Variants in NPAS3 observed in about 807,000 individuals in gnomAD.
The protein encoded by NPAS3 is neuronal PAS domain protein 3.
In NPAS3, 14 loss-of-function variants were observed where a neutral mutation model predicts 73.1. The observed-to-expected ratio is 0.19, with a 90% CI of 0.13 to 0.30. The LOEUF is 0.30. NPAS3 is among the 10% of genes least tolerant of loss of function. NPAS3 has a pLI of 1.00. For synonymous variants in NPAS3, 620 were observed against 541.5 expected (o/e 1.14, Z -2.01); for missense variants, 1,096 against 1,250.0 (o/e 0.88, Z 1.86).
intron 6 of NPAS3, among the ~76,000 whole-genome samples, chr14:33,728,334 GA>G (rs1434925978): frequency 6.6e-6 from 1 of 152,176 alleles, no homozygotes. Flanking sequence ...TACTGTTAAA[GA>G]AGGTTATTAC....
At chr14:33,170,957 C>G (rs1201034972) in intron 2 of NPAS3, among the ~76,000 whole-genome samples, 1 of 152,202 alleles carries the variant, frequency 6.6e-6, no homozygotes, top group East Asian at 1.9e-4. Flanking sequence ...AATGGTGAAT[C>G]CTTTCCAGAA....
intron 3 of NPAS3, among the ~76,000 whole-genome samples, chr14:33,303,899 CTTTGTT>C (rs200495898): frequency 6.6e-6 from 1 of 151,860 alleles, no homozygotes; most frequent in Non-Finnish European, 1.5e-5. Flanking sequence ...CACTACCAAG[CTTTGTT>C]TTTGTTTTTG....
intron 3 of NPAS3, among the ~76,000 whole-genome samples, chr14:33,228,399 G>A (rs1218394640): frequency 6.6e-6 from 1 of 152,088 alleles, no homozygotes; most frequent in East Asian, 1.9e-4. Context: ...ATTTCATTGA[G>A]TTGATAGGAA....
chr14:33,435,433 T>C (rs4982087), intron 4 of NPAS3, among the ~76,000 whole-genome samples: 40,881 of 152,056 alleles, frequency 0.27, 6,150 homozygotes, highest in African/African-American at 0.4. Flanking sequence ...AAACCCAAGT[T>C]AAGAGTTCAT....
intron 1 of NPAS3, among the ~76,000 whole-genome samples, chr14:32,999,253 T>G (rs1402512789): frequency 6.6e-6 from 1 of 152,188 alleles, no homozygotes; most frequent in Non-Finnish European, 1.5e-5. Flanking sequence ...GGCTCATGCC[T>G]GTAATCCCAG....
chr14:33,765,758 T>C (rs2062442680), intron 7 of NPAS3, among the ~76,000 whole-genome samples: 1 of 152,178 alleles, frequency 6.6e-6, no homozygotes, highest in African/African-American at 2.4e-5. Flanking sequence ...TTAAGATCTC[T>C]CAATTCATTC....
chr14:33,144,021 T>C (rs1360040265), intron 2 of NPAS3, among the ~76,000 whole-genome samples: 2 of 152,214 alleles, frequency 1.3e-5, no homozygotes, highest in African/African-American at 4.8e-5. Flanking sequence ...CAGTAAACAT[T>C]TGGGCACATG....
At chr14:33,415,881 A>G (rs918052379) in intron 4 of NPAS3, among the ~76,000 whole-genome samples, 1 of 151,828 alleles carries the variant, frequency 6.6e-6, no homozygotes, top group African/African-American at 2.4e-5. Flanking sequence ...TCTCCTTCCA[A>G]TTTTTTTATT....
intron 1 of NPAS3, among the ~76,000 whole-genome samples, chr14:33,025,673 G>T (rs112150038): frequency 6.6e-6 from 1 of 152,090 alleles, no homozygotes; most frequent in African/African-American, 2.4e-5. Flanking sequence ...CTGTTCTCAC[G>T]ATCCCGAGTA....
At chr14:33,698,657 G>A (rs551312505) in intron 6 of NPAS3, among the ~76,000 whole-genome samples, 4 of 152,230 alleles carry the variant, frequency 2.6e-5, no homozygotes, top group African/African-American at 7.2e-5. Context: ...AGCTTTAAAA[G>A]CCCCTGACAT....
chr14:33,098,154 A>G (rs982431102), intron 2 of NPAS3, among the ~76,000 whole-genome samples: 1 of 152,214 alleles, frequency 6.6e-6, no homozygotes, highest in African/African-American at 2.4e-5. Flanking sequence ...AATTTTGTGT[A>G]TGGCATGAGG....
intron 4 of NPAS3, among the ~76,000 whole-genome samples, chr14:33,387,666 G>A (rs139751126): frequency 1.2e-4 from 18 of 152,196 alleles, no homozygotes; most frequent in South Asian, 2.1e-4. Flanking sequence ...CAATGCCAGG[G>A]TAAGGCCTTC....
At chr14:33,031,894 T>C (rs1352027557) in intron 1 of NPAS3, among the ~76,000 whole-genome samples, 1 of 152,224 alleles carries the variant, frequency 6.6e-6, no homozygotes, top group Non-Finnish European at 1.5e-5. Flanking sequence ...GATTTTGATC[T>C]CACAGAGCGG....
chr14:33,009,626 C>G (rs1279786488), intron 1 of NPAS3, among the ~76,000 whole-genome samples: 1 of 152,014 alleles, frequency 6.6e-6, no homozygotes, highest in Non-Finnish European at 1.5e-5. Flanking sequence ...GTTTTTTCAC[C>G]AAGAGTTTTA....
Position 33,312,495 on chromosome 14 carries a change from C to G in NPAS3, c.386-54691C>G, listed in dbSNP as rs76051207. On this transcript the variant is annotated intron_variant, in intron 3 of 11. Coordinates refer to ENST00000356141, the Ensembl canonical transcript of NPAS3. ...AATATATTTTATTTTTTTGAAATCACTATGTTCCAATTACCATTTGAATTA... is the reference window on the plus strand; with the variant it reads ...AATATATTTTATTTTTTTGAAATCAGTATGTTCCAATTACCATTTGAATTA... Among the ~76,000 whole-genome samples, 721 of 152,118 alleles carry G rather than the reference C, an allele frequency of 4.7e-3. 4 individuals are homozygous for G. The highest frequency in any genetic ancestry group is 0.017 in the African/African-American group (697 of 41,526).
rs190052020 is a variant in NPAS3 at position 33,520,442 on chromosome 14, G to T, written c.469-39679G>T. Reference sequence around the variant, plus strand: ...TTTTTTTAAATCTGAGATGAAATAAGAACACCACATTTACTGTGATTTATC... The same window carrying T: ...TTTTTTTAAATCTGAGATGAAATAATAACACCACATTTACTGTGATTTATC... On this transcript the variant is annotated intron_variant, in intron 4 of 11. Transcript: ENST00000356141. 2.4e-3 allele frequency among the ~76,000 whole-genome samples: 360 copies of T among 152,146 alleles called. 3 individuals carry two copies. The highest frequency in any genetic ancestry group is 8.4e-3 in the African/African-American group (348 of 41,520).
chr14:33,386,082 T>TTTG (rs1487158362), intron 4 of NPAS3, among the ~76,000 whole-genome samples: 1 of 152,114 alleles, frequency 6.6e-6, no homozygotes, highest in African/African-American at 2.4e-5. Context: ...TTTTTTTTTT[T>TTTG]TTGACCAATG....
At chr14:33,638,766 A>T (rs2058596905) in intron 5 of NPAS3, among the ~76,000 whole-genome samples, 1 of 152,222 alleles carries the variant, frequency 6.6e-6, no homozygotes. Flanking sequence ...ATTTCAAAGC[A>T]ATTATTTACA....
chr14:33,520,836 C>T (rs2053524336), intron 4 of NPAS3, among the ~76,000 whole-genome samples: 1 of 152,114 alleles, frequency 6.6e-6, no homozygotes, highest in East Asian at 1.9e-4. Flanking sequence ...GACCGCTGTG[C>T]AGAGAGGTGC....
Sources: allele counts gnomAD v4.1 joint callset (sites outside exome capture counted in the v4.1 genomes callset), GRCh38; gene constraint gnomAD v4.1.1; transcripts MANE v1.5; gene names NCBI Gene and HGNC (gene_info 2026-07-23, HGNC 2026-07-21).